ANKRD6: variants seen among roughly 807,000 people sequenced by gnomAD.
ANKRD6 encodes ankyrin repeat domain 6, also known as ankyrin repeat domain-containing protein 6.
Under a neutral mutation model 82.3 loss-of-function variants are expected in ANKRD6, and 56 were observed. The observed-to-expected ratio is 0.68, with a 90% CI of 0.55 to 0.85. ANKRD6 has a LOEUF of 0.85. Ranked by LOEUF, ANKRD6 falls within the 40% of genes least tolerant of loss-of-function variation. The pLI is 0.00. For synonymous variants in ANKRD6, 347 were observed against 352.1 expected (o/e 0.99, Z 0.16); for missense variants, 852 against 907.6 (o/e 0.94, Z 0.79).
intron 2 of ANKRD6, among the ~76,000 whole-genome samples, chr6:89,570,808 G>T (rs962793626): frequency 2.6e-5 from 4 of 152,176 alleles, no homozygotes; most frequent in African/African-American, 9.7e-5. Flanking sequence ...GGACACTTGG[G>T]TTGCTACCGC....
intron 1 of ANKRD6, among the ~76,000 whole-genome samples, chr6:89,505,910 A>G (rs1276103632): frequency 2.0e-5 from 3 of 152,238 alleles, no homozygotes; most frequent in African/African-American, 7.2e-5. Flanking sequence ...GCCATTTGCG[A>G]AAACATGCGT....
intron 3 of ANKRD6, among the ~76,000 whole-genome samples, chr6:89,596,965 CTG>C (rs1455697519): frequency 6.6e-6 from 1 of 152,224 alleles, no homozygotes; most frequent in East Asian, 1.9e-4. Context: ...CCTTTAATAA[CTG>C]TAGTTATAGA....
At chr6:89,564,750 A>G (rs1383031581) in intron 1 of ANKRD6, among the ~76,000 whole-genome samples, 2 of 152,108 alleles carry the variant, frequency 1.3e-5, no homozygotes, top group Admixed American at 1.3e-4. Flanking sequence ...AAATGTTTGT[A>G]TGAACTGGGC....
chr6:89,513,381 C>T (rs1341157752), intron 1 of ANKRD6, among the ~76,000 whole-genome samples: 2 of 152,162 alleles, frequency 1.3e-5, no homozygotes, highest in South Asian at 4.1e-4. Flanking sequence ...CAATCCTTAA[C>T]CTGCTTTCCC....
intron 1 of ANKRD6, among the ~76,000 whole-genome samples, chr6:89,479,769 C>T (rs929010025): frequency 5.3e-5 from 8 of 151,896 alleles, no homozygotes; most frequent in Admixed American, 1.3e-4. Flanking sequence ...CTATCCCTCC[C>T]GCCTCCCCTA....
intron 1 of ANKRD6, among the ~76,000 whole-genome samples, chr6:89,559,908 A>C (rs1279160369): frequency 6.6e-6 from 1 of 152,174 alleles, no homozygotes; most frequent in African/African-American, 2.4e-5. Context: ...TGACTAGGTG[A>C]GTACCTCATA....
intron 14 of ANKRD6, chr6:89,628,775 A>G: frequency 7.7e-6 from 2 of 259,336 alleles, no homozygotes; most frequent in South Asian, 8.5e-5. Context: ...CATCTCAAAA[A>G]ACAAACAAAC....
At chr6:89,513,043 G>C (rs916650368) in intron 1 of ANKRD6, among the ~76,000 whole-genome samples, 4 of 151,780 alleles carry the variant, frequency 2.6e-5, no homozygotes, top group Non-Finnish European at 4.4e-5. Flanking sequence ...TCCTGCCTCC[G>C]CTTCCTGAGT....
At chr6:89,624,174 T>C in intron 12 of ANKRD6, 117 bp downstream of exon 12, 2 of 1,242,654 alleles carry the variant, frequency 1.6e-6, no homozygotes, top group Non-Finnish European at 2.2e-6. Context: ...GAGCACAAGC[T>C]TTGAAGGTAA....
intron 14 of ANKRD6, 21 bp from the exon 15 acceptor site, chr6:89,629,091 G>A: frequency 6.3e-7 from 1 of 1,594,062 alleles, no homozygotes; most frequent in South Asian, 1.1e-5. Context: ...CTTATTTGTG[G>A]GGTTTGTTTT....
At chr6:89,450,344 G>A (rs1397863266) in intron 1 of ANKRD6, among the ~76,000 whole-genome samples, 2 of 151,622 alleles carry the variant, frequency 1.3e-5, no homozygotes, top group Non-Finnish European at 2.9e-5. Context: ...AGTTGATTCA[G>A]AAACTTCATT....
At chr6:89,511,048 G>C (rs928482821) in intron 1 of ANKRD6, among the ~76,000 whole-genome samples, 8 of 152,158 alleles carry the variant, frequency 5.3e-5, no homozygotes, top group African/African-American at 1.7e-4. Flanking sequence ...ATAAGGATGT[G>C]ATCATAGGCC....
intron 1 of ANKRD6, among the ~76,000 whole-genome samples, chr6:89,495,094 C>T (rs1351979287): frequency 2.0e-5 from 3 of 152,166 alleles, no homozygotes; most frequent in African/African-American, 4.8e-5. Flanking sequence ...ATTAGCCGGG[C>T]GTGGTGGCAG....
chr6:89,521,330 G>A (rs1315071443), intron 1 of ANKRD6, among the ~76,000 whole-genome samples: 1 of 152,128 alleles, frequency 6.6e-6, no homozygotes, highest in African/African-American at 2.4e-5. Context: ...TCTCTGGGGA[G>A]GTGTCATCTA....
chr6:89,612,187 G>A (rs1241704879), intron 5 of ANKRD6, 85 bp from the exon 6 acceptor site: 20 of 1,252,614 alleles, frequency 1.6e-5, no homozygotes, highest in Middle Eastern at 2.6e-4. Context: ...TTTCCCCCGA[G>A]TAAGTACTGC....
At position 89,524,709 on chromosome 6, in the gene ANKRD6, T is replaced by C. The variant is rs562070884; in HGVS notation, c.-143-42125T>C. Among the ~76,000 whole-genome samples the C allele has an allele frequency of 3.6e-4, 55 of 152,322 alleles. No individual in the cohort carries two copies. In the South Asian group the frequency reaches 0.011, roughly 31 times the overall value. On this transcript the variant is annotated intron_variant, in intron 1 of 15. Transcript: ENST00000339746. Reference sequence around the variant, plus strand: ...AAACATGCATATGCAAGTGTCTTTTTCATATAATGACTTCTTTTTCTTTGG... The same window carrying C: ...AAACATGCATATGCAAGTGTCTTTTCCATATAATGACTTCTTTTTCTTTGG...
At chr6:89,579,069 G>A (rs914453977) in intron 2 of ANKRD6, among the ~76,000 whole-genome samples, 1 of 152,202 alleles carries the variant, frequency 6.6e-6, no homozygotes, top group Non-Finnish European at 1.5e-5. Flanking sequence ...GAGTTTTATA[G>A]CAAGTTCAGA....
chr6:89,462,712 A>G (rs1295326360), intron 1 of ANKRD6, among the ~76,000 whole-genome samples: 5 of 152,218 alleles, frequency 3.3e-5, no homozygotes, highest in African/African-American at 9.6e-5. Context: ...AAGACAATAA[A>G]AAGATTATCT....
chr6:89,509,587 G>A (rs1780291244), intron 1 of ANKRD6, among the ~76,000 whole-genome samples: 1 of 152,118 alleles, frequency 6.6e-6, no homozygotes, highest in Non-Finnish European at 1.5e-5. Flanking sequence ...TTCACACAGT[G>A]CCAATTCATT....
Sources: gnomAD v4.1 joint callset for allele counts (sites outside exome capture counted in the v4.1 genomes callset) on GRCh38, gnomAD v4.1.1 for gene constraint, MANE v1.5 for transcripts, NCBI Gene and HGNC (gene_info 2026-07-23, HGNC 2026-07-21) for gene names.